Variants in SPATA31F1 observed in about 807,000 individuals in gnomAD.
The protein encoded by SPATA31F1 is protein SPATA31F1.
chr9:34,727,783 A>G, the SPATA31F1 span, among the ~76,000 whole-genome samples: 1 of 152,200 alleles, frequency 6.6e-6, no homozygotes, highest in Non-Finnish European at 1.5e-5. Flanking sequence ...TACACTAGTA[A>G]AATCCTGAAT....
the SPATA31F1 span, chr9:34,723,197 G>T: frequency 6.5e-7 from 1 of 1,538,674 alleles, no homozygotes; most frequent in Non-Finnish European, 8.8e-7. Context: ...CTCCTTGAGC[G>T]GACCAATGTT....
At chr9:34,725,119 G>A in the SPATA31F1 span, 194,250 of 1,547,590 alleles carry the variant, frequency 0.13, 8,932 homozygotes, top group Middle Eastern at 0.19. Context: ...CCACTGCCAG[G>A]ACCCCAGAAA....
At chr9:34,729,004 A>G in the SPATA31F1 span, among the ~76,000 whole-genome samples, 9 of 152,190 alleles carry the variant, frequency 5.9e-5, no homozygotes, top group East Asian at 5.8e-4. Context: ...AACCGGAAAA[A>G]TCCCCCATAT....
the SPATA31F1 span, chr9:34,724,885 C>T: frequency 6.5e-7 from 1 of 1,549,684 alleles, no homozygotes; most frequent in South Asian, 1.2e-5. Context: ...GCAGCCCCGA[C>T]AGGAAGGCCA....
chr9:34,723,680 T>A, the SPATA31F1 span: 1 of 1,551,650 alleles, frequency 6.4e-7, no homozygotes, highest in South Asian at 1.2e-5. Context: ...AACTTGGCCT[T>A]GCAAAGTTTG....
At chr9:34,726,807 A>G in the SPATA31F1 span, 1 of 1,551,744 alleles carries the variant, frequency 6.4e-7, no homozygotes, top group South Asian at 1.2e-5. Context: ...GACATACTAG[A>G]CGTAGACAGC....
chr9:34,728,768 A>G, the SPATA31F1 span: 2 of 948,440 alleles, frequency 2.1e-6, no homozygotes, highest in Admixed American at 2.1e-5. Flanking sequence ...ATCTATCTGT[A>G]TTTTATACAC....
the SPATA31F1 span, chr9:34,726,419 A>G: frequency 1.9e-6 from 3 of 1,549,964 alleles, no homozygotes; most frequent in South Asian, 1.2e-5. Flanking sequence ...ATGCAAGGCC[A>G]TTGGATGCAT....
chr9:34,725,729 T>G, the SPATA31F1 span: 1 of 1,547,648 alleles, frequency 6.5e-7, no homozygotes, highest in Non-Finnish European at 8.7e-7. Flanking sequence ...AGCTCGTTGA[T>G]GGTCAGATGG....
chr9:34,729,437 T>C, the SPATA31F1 span: 48,573 of 1,541,382 alleles, frequency 0.032, 3,210 homozygotes, highest in African/African-American at 0.27. Context: ...TGGTCTAAAC[T>C]TCATTAGCAT....
At chr9:34,728,169 C>T in the SPATA31F1 span, 3 of 1,244,694 alleles carry the variant, frequency 2.4e-6, no homozygotes, top group South Asian at 1.4e-5. Context: ...CTTTGACTCT[C>T]ATCAAGAAAA....
At chr9:34,724,267 C>T in the SPATA31F1 span, 66 of 1,551,324 alleles carry the variant, frequency 4.3e-5, no homozygotes, top group Middle Eastern at 1.7e-4. Context: ...TCTTGGAGAC[C>T]GAGTGGGCAG....
At chr9:34,724,055 T>C in the SPATA31F1 span, 1 of 1,513,514 alleles carries the variant, frequency 6.6e-7, no homozygotes, top group Non-Finnish European at 8.9e-7. Context: ...CGCATCCCCT[T>C]CTCTGTGGTC....
At chr9:34,724,268 G>A in the SPATA31F1 span, 136 of 1,551,396 alleles carry the variant, frequency 8.8e-5, no homozygotes, top group African/African-American at 2.9e-4. Flanking sequence ...CTTGGAGACC[G>A]AGTGGGCAGA....
At chr9:34,726,600 G>A in the SPATA31F1 span, 6 of 1,551,806 alleles carry the variant, frequency 3.9e-6, no homozygotes, top group South Asian at 1.2e-5. Flanking sequence ...GGGCCCCGGA[G>A]CACATCTGGC....
chr9:34,728,621 C>A, the SPATA31F1 span: 1 of 1,550,878 alleles, frequency 6.4e-7, no homozygotes, highest in African/African-American at 1.4e-5. Flanking sequence ...GTTGATGCTG[C>A]ATCTCTAGCT....
chr9:34,724,269 A>G, the SPATA31F1 span: 1 of 1,551,440 alleles, frequency 6.4e-7, no homozygotes, highest in East Asian at 2.4e-5. Context: ...TTGGAGACCG[A>G]GTGGGCAGAA....
At chr9:34,723,224 G>C in the SPATA31F1 span, 1 of 1,550,246 alleles carries the variant, frequency 6.5e-7, no homozygotes, top group African/African-American at 1.4e-5. Context: ...TGAGGTGAGG[G>C]TCAGGAGCTA....
the SPATA31F1 span, chr9:34,726,398 G>A: frequency 6.5e-7 from 1 of 1,548,576 alleles, no homozygotes; most frequent in East Asian, 2.4e-5. Context: ...CAGGTGGGCA[G>A]GGAGGACCAT....
Sources: gnomAD v4.1 joint callset for allele counts (sites outside exome capture counted in the v4.1 genomes callset) on GRCh38, gnomAD v4.1.1 for gene constraint, MANE v1.5 for transcripts, NCBI Gene and HGNC (gene_info 2026-07-23, HGNC 2026-07-21) for gene names.